CYP2F1: variants seen among roughly 807,000 people sequenced by gnomAD.
The protein encoded by CYP2F1 is cytochrome P450 family 2 subfamily F member 1.
A neutral mutation model predicts 40.4 loss-of-function variants in CYP2F1; 33 were observed. The observed-to-expected ratio is 0.82, with a 90% CI of 0.62 to 1.09. CYP2F1 has a LOEUF of 1.09. Among genes scored for constraint, CYP2F1 ranks in the 50% least tolerant of loss-of-function variants. CYP2F1 has a pLI of 0.00. For missense variants in CYP2F1, 566 were observed against 655.7 expected (o/e 0.86, Z 1.49); for synonymous variants, 235 against 277.2 (o/e 0.85, Z 1.51).
intron 7 of CYP2F1, among the ~76,000 whole-genome samples, chr19:41,123,629 C>T (rs2144758520): frequency 6.6e-6 from 1 of 152,292 alleles, no homozygotes; most frequent in Admixed American, 6.5e-5. Context: ...AATCTCCCCA[C>T]CTCCGCCTTA....
chr19:41,116,305 C>G lies in CYP2F1; in HGVS notation c.117C>G (p.Ile39Met). 1 of 1,614,128 alleles carries G rather than the reference C, an allele frequency of 6.2e-7. No homozygotes were observed. Among genetic ancestry groups the G allele is most frequent in the East Asian group, 2.2e-5 (1 of 44,868 alleles). Residue 39 changes from isoleucine (I) to methionine (M), a missense_variant, in exon 2 of 10, where the codon ATC becomes ATG. Coordinates refer to ENST00000331105, the MANE Select transcript of CYP2F1 (RefSeq NM_000774.5). ...CTCCGGGACCCAGACCCCTCTCAAT[C>G]CTGGGAAACCTGCTGCTGCTTTGCT... is the stretch of plus-strand genomic sequence containing the variant. ...KLPPGPRPLS[I>M]LGNLLLLCSQ...
intron 4 of CYP2F1, 50 bp from the exon 5 acceptor site, chr19:41,121,408 G>A: frequency 6.4e-7 from 1 of 1,559,748 alleles, no homozygotes; most frequent in African/African-American, 1.5e-5. Flanking sequence ...CATGAGGTCT[G>A]GTGTGCTGCA....
Position 41,120,391 on chromosome 19 carries a change from T to C in CYP2F1, c.379T>C (p.Phe127Leu). 1.2e-6 allele frequency: 2 copies of C among 1,613,888 alleles called. No individual in the cohort carries two copies. Among genetic ancestry groups the C allele is most frequent in the Non-Finnish European group, 1.7e-6 (2 of 1,179,950 alleles). ...GGATCGATGGAAGGTCCTGAGACAG[T>C]TCTCTATCCAGATTCTACGGAATTT... ...SGDRWKVLRQ[F>L]SIQILRNFGM... The change falls in exon 4 of 10, where the codon TTC becomes CTC. Residue 127 changes from phenylalanine (F) to leucine (L), a missense_variant. Physicochemically the swap from Phe to Leu is conservative, Grantham distance 22. Transcript: ENST00000331105.
At position 41,127,885 on chromosome 19, in the gene CYP2F1, C is replaced by T. The variant is rs765669020; in HGVS notation, c.1295-16C>T. On this transcript the variant is annotated splice_polypyrimidine_tract_variant and intron_variant, in intron 9 of 9. Coordinates refer to ENST00000331105, the MANE Select transcript of CYP2F1 (RefSeq NM_000774.5). ...ATCTTATCTCACCGCCGCTCCCCAT[C>T]CTGCCACCCCTGCAGGGCGCCGTCT... 22 of 1,606,006 alleles carry T rather than the reference C, an allele frequency of 1.4e-5. No individual in the cohort carries two copies. The highest frequency in any genetic ancestry group is 1.7e-5 in the Non-Finnish European group (20 of 1,175,710).
intron 7 of CYP2F1, 37 bp downstream of exon 7, chr19:41,123,000 T>A (rs1403115943): frequency 1.3e-6 from 2 of 1,593,152 alleles, no homozygotes; most frequent in Middle Eastern, 1.7e-4. Flanking sequence ...GAGGTGCCCA[T>A]GTGTTCCAGC....
chr19:41,116,520 C>A lies in CYP2F1; in HGVS notation c.237C>A (p.Ser79Arg), dbSNP rs763356097. Residue 79 changes from serine to arginine, a missense_variant, in exon 3 of 10, where the codon AGC (serine) becomes AGA (arginine). Physicochemically the swap from Ser to Arg is moderately radical, Grantham distance 110 (BLOSUM62 -1). Transcript: ENST00000331105. ...GACCCAGGCGGGTGGTGGTCCTCAG[C>A]GGGTACCAAGCTGTGAAGGAGGCCC... ...HLGPRRVVVL[S>R]GYQAVKEALV... 7 of 1,613,822 alleles carry A rather than the reference C, an allele frequency of 4.3e-6. No individual in the cohort carries two copies. Among genetic ancestry groups the A allele is most frequent in the Admixed American group, 1.7e-5 (1 of 59,972 alleles).
chr19:41,117,635 C>T (rs1453636286), intron 3 of CYP2F1, among the ~76,000 whole-genome samples: 1 of 152,118 alleles, frequency 6.6e-6, no homozygotes, highest in Non-Finnish European at 1.5e-5. Context: ...CAACTCCATC[C>T]ACATCACCAG....
At chr19:41,122,562 CACAT>C (rs755134462) in intron 6 of CYP2F1, among the ~76,000 whole-genome samples, 25 of 151,718 alleles carry the variant, frequency 1.6e-4, no homozygotes, top group African/African-American at 2.4e-4. Flanking sequence ...CATACATACA[CACAT>C]ACATACATAC....
chr19:41,120,479 A>G lies in CYP2F1; in HGVS notation c.467A>G (p.Glu156Gly). The G allele has an allele frequency of 3.1e-6, 5 of 1,612,840 alleles. No homozygotes were observed. The highest frequency in any genetic ancestry group is 4.2e-6 in the Non-Finnish European group (5 of 1,179,680). ...ILEEGSFLLA[E>G]LRKTEGEPFD... ...GAGGAGGGCAGCTTCCTGCTGGCGG[A>G]GCTGCGGAAAACTGAAGGTCAGGAA... Residue 156 changes from glutamate (E) to glycine (G), a missense_variant, in exon 4 of 10, where the codon GAG becomes GGG. Glu to Gly is a moderately conservative substitution (Grantham distance 98). Coordinates refer to ENST00000331105, the MANE Select transcript of CYP2F1 (RefSeq NM_000774.5).
chr19:41,119,834 A>G (rs1205123245), intron 3 of CYP2F1, among the ~76,000 whole-genome samples: 1 of 111,902 alleles, frequency 8.9e-6, no homozygotes, highest in Non-Finnish European at 1.9e-5. Flanking sequence ...CCAGCTAGTC[A>G]GGAGGCTGAG....
Position 41,124,250 on chromosome 19 carries a change from C to T in CYP2F1, c.965-469C>T, listed in dbSNP as rs1341304759. Among the ~76,000 whole-genome samples, 9 of 102,682 alleles carry T rather than the reference C, an allele frequency of 8.8e-5. 1 individual carries two copies. Among genetic ancestry groups the T allele is most frequent in the African/African-American group, 3.7e-4 (9 of 24,494 alleles). The allele number at this position is 102,682 out of a possible 152,430, so 67.4% of individuals were successfully genotyped here. On this transcript the variant is annotated intron_variant, in intron 7 of 9. Coordinates refer to ENST00000331105, the MANE Select transcript of CYP2F1 (RefSeq NM_000774.5). The stretch of plus-strand genomic sequence containing the variant: ...TTCTTTTTTTTTTTTCCTCTTCCCC[C>T]CCCCCTTTTTTTTTTTTTTTTTTTT...
chr19:41,126,070 T>C (rs1418164727), intron 9 of CYP2F1, among the ~76,000 whole-genome samples: 1 of 151,304 alleles, frequency 6.6e-6, no homozygotes, highest in African/African-American at 2.4e-5. Flanking sequence ...GAGGCGGAGG[T>C]TGCAGTGAGC....
At position 41,120,398 on chromosome 19, in the gene CYP2F1, T is replaced by A. The variant is rs180952444; in HGVS notation, c.386T>A (p.Ile129Asn). Residue 129 changes from isoleucine (I) to asparagine (N), a missense_variant, in exon 4 of 10, where the codon ATC (isoleucine) becomes AAC (asparagine). Physicochemically the swap from Ile to Asn is moderately radical, Grantham distance 149. This residue lies in a region of CYP2F1 where 264 missense variants were observed against 275.7 expected (regional missense o/e 0.96). Coordinates refer to ENST00000331105, the MANE Select transcript of CYP2F1 (RefSeq NM_000774.5). ...DRWKVLRQFS[I>N]QILRNFGMGK... Reference sequence around the variant, plus strand: ...TGGAAGGTCCTGAGACAGTTCTCTATCCAGATTCTACGGAATTTCGGGATG... The same window carrying A: ...TGGAAGGTCCTGAGACAGTTCTCTAACCAGATTCTACGGAATTTCGGGATG... The A allele has an allele frequency of 1.6e-4, 260 of 1,614,028 alleles. 1 individual carries two copies. The highest frequency in any genetic ancestry group is 5.0e-4 in the Middle Eastern group (3 of 6,054).
chr19:41,118,579 C>CA (rs1255527255), intron 3 of CYP2F1, among the ~76,000 whole-genome samples: 1 of 152,194 alleles, frequency 6.6e-6, no homozygotes, highest in African/African-American at 2.4e-5. Flanking sequence ...ACACCAGATG[C>CA]AAAGAGGTGG....
At chr19:41,114,648 C>A (rs921353756) in intron 1 of CYP2F1, among the ~76,000 whole-genome samples, 156 bp downstream of exon 1, 1 of 152,136 alleles carries the variant, frequency 6.6e-6, no homozygotes, top group Non-Finnish European at 1.5e-5. Flanking sequence ...ACTGGGATTT[C>A]TTTACTGGTG....
Position 41,116,492 on chromosome 19 carries a change from T to G in CYP2F1, c.209T>G (p.Leu70Arg), listed in dbSNP as rs1215550218. 6.2e-7 allele frequency: 1 copy of G among 1,613,808 alleles called. No individual in the cohort carries two copies. Among genetic ancestry groups the G allele is most frequent in the East Asian group, 2.2e-5 (1 of 44,880 alleles). ...KEYGSMYTVH[L>R]GPRRVVVLSG... Reference sequence around the variant, plus strand: ...TATGGCTCCATGTACACAGTGCACCTGGGACCCAGGCGGGTGGTGGTCCTC... The same window carrying G: ...TATGGCTCCATGTACACAGTGCACCGGGGACCCAGGCGGGTGGTGGTCCTC... Residue 70 changes from leucine to arginine, a missense_variant, in exon 3 of 10, where the codon CTG (leucine) becomes CGG (arginine). Leu to Arg is a moderately radical substitution (Grantham distance 102, BLOSUM62 -2). Around this residue, in one of 5 missense-constraint regions of CYP2F1, gnomAD observed 264 missense variants for 275.7 expected, o/e 0.96. Coordinates refer to ENST00000331105, the MANE Select transcript of CYP2F1 (RefSeq NM_000774.5).
rs149278083 is a variant in CYP2F1 at position 41,122,856 on chromosome 19, A to T, written c.857A>T (p.Asp286Val). The change falls in exon 7 of 10, where the codon GAT becomes GTT. Residue 286 changes from aspartate to valine, a missense_variant. By Grantham distance (152) the Asp-to-Val change is radical. Transcript: ENST00000331105. ...GACCCACTGAGCCACTTCCACATGG[A>T]TACCCTGCTGATGACCACACATAAC... is the stretch of plus-strand genomic sequence containing the variant. ...KEDPLSHFHM[D>V]TLLMTTHNLL... 6 of 1,560,404 alleles carry T rather than the reference A, an allele frequency of 3.8e-6. No individual in the cohort carries two copies. The African/African-American group carries it at 8.1e-5, about 21-fold the overall frequency.
At position 41,120,420 on chromosome 19, in the gene CYP2F1, G is replaced by T. The variant is rs201147810; in HGVS notation, c.408G>T (p.Gly136=). 5.9e-5 allele frequency: 96 copies of T among 1,613,996 alleles called. No homozygotes were observed. The highest frequency in any genetic ancestry group is 8.0e-5 in the Non-Finnish European group (94 of 1,179,998). The change falls in exon 4 of 10, where the codon GGG becomes GGT. Residue 136 remains glycine (G), a synonymous_variant. Coordinates refer to ENST00000331105, the MANE Select transcript of CYP2F1 (RefSeq NM_000774.5). ...CTATCCAGATTCTACGGAATTTCGG[G>T]ATGGGGAAGAGAAGCATTGAGGAGC... ...QFSIQILRNF[G]MGKRSIEERI... is the part of the protein sequence containing the mutation.
intron 7 of CYP2F1, 152 bp from the exon 8 acceptor site, chr19:41,124,567 C>G: frequency 1.4e-6 from 1 of 699,520 alleles, no homozygotes; most frequent in Non-Finnish European, 2.3e-6. Context: ...CCGGCCAGCT[C>G]TAGCTAATTC....
Sources: gnomAD v4.1 joint callset for allele counts (sites outside exome capture counted in the v4.1 genomes callset) on GRCh38, gnomAD v4.1.1 for gene constraint, gnomAD v4.1.1 regional missense constraint, MANE v1.5 for transcripts, NCBI Gene and HGNC (gene_info 2026-07-23, HGNC 2026-07-21) for gene names.